The following TATDN3 variants were observed in gnomAD, a reference collection of about 807,000 sequenced individuals.
TATDN3 encodes TatD DNase domain containing 3.
In TATDN3, 29 loss-of-function variants were observed where a neutral mutation model predicts 40.1. That is an observed-to-expected ratio of 0.72 (90% CI 0.54 to 0.99). TATDN3 has a LOEUF of 0.99. Among genes scored for constraint, TATDN3 ranks in the 50% least tolerant of loss-of-function variants. The probability of loss-of-function intolerance (pLI) is 0.00; values close to 1 mark genes in which losing one functional copy is unlikely to be tolerated. For missense variants in TATDN3, 309 were observed against 321.9 expected (o/e 0.96, Z 0.31); for synonymous variants, 105 against 117.0 (o/e 0.90, Z 0.66).
intron 8 of TATDN3, among the ~76,000 whole-genome samples, chr1:212,811,676 T>A (rs1317253010): frequency 6.6e-6 from 1 of 151,860 alleles, no homozygotes; most frequent in Admixed American, 6.6e-5. Flanking sequence ...CTGGCTAATT[T>A]TTGTATTTGT....
rs1032963 is a variant in TATDN3, at chr1:212,806,642, G to T, written c.488-1094G>T. On this transcript the variant is annotated intron_variant, in intron 7 of 9. Coordinates refer to ENST00000366974, the MANE Select transcript of TATDN3 (RefSeq NM_001042552.3). Reference sequence around the variant, plus strand: ...GAGATCCTCCCATCTCAGCATCCCAGAGTGCTGGGATTACAGACATGAGCC... The same window carrying T: ...GAGATCCTCCCATCTCAGCATCCCATAGTGCTGGGATTACAGACATGAGCC... Among the ~76,000 whole-genome samples, 3 of 148,116 alleles carry T rather than the reference G, an allele frequency of 2.0e-5. No homozygotes were observed. The East Asian group carries it at 6.0e-4, about 30-fold the overall frequency.
Position 212,816,499 on chromosome 1 carries a change from G to T in TATDN3, c.*1343G>T, listed in dbSNP as rs1208366607. On this transcript the variant is annotated 3_prime_UTR_variant, in exon 10 of 10. Coordinates refer to ENST00000366974, the MANE Select transcript of TATDN3 (RefSeq NM_001042552.3). The stretch of plus-strand genomic sequence containing the variant: ...TATTTACTACAATTTTTTAAAAATC[G>T]TATATGTAGTTTAACAGGTGTGGTC... 6.6e-6 allele frequency: 1 copy of T among 152,078 alleles called. No individual in the cohort carries two copies. The highest frequency in any genetic ancestry group is 1.5e-5 in the Non-Finnish European group (1 of 68,016). The allele number at this position is 152,078 out of a possible 1,614,324, so 9.4% of individuals were successfully genotyped here.
intron 1 of TATDN3, among the ~76,000 whole-genome samples, chr1:212,793,552 G>A (rs1661501859): frequency 6.6e-6 from 1 of 152,160 alleles, no homozygotes. Flanking sequence ...ATGGCAAATG[G>A]GTGGAGGAGA....
At chr1:212,813,566 CTT>C (rs202183479) in intron 9 of TATDN3, among the ~76,000 whole-genome samples, 60 of 130,896 alleles carry the variant, frequency 4.6e-4, no homozygotes, top group East Asian at 8.8e-4. Flanking sequence ...TCTTTCTTTT[CTT>C]TTTTTTTTTT....
rs190689293 is a variant in TATDN3 at position 212,808,110 on chromosome 1, C to T, written c.600+262C>T. Among the ~76,000 whole-genome samples the T allele has an allele frequency of 1.1e-3, 162 of 152,080 alleles. 1 individual carries two copies. The highest frequency in any genetic ancestry group is 2.5e-3 in the South Asian group (12 of 4,820). ...GGTAGATCACCTGAGGCCAGGAGTT[C>T]GAAACCAGCCTGGCCAACATGGTGA... On this transcript the variant is annotated intron_variant, in intron 8 of 9. Coordinates refer to ENST00000366974, the MANE Select transcript of TATDN3 (RefSeq NM_001042552.3).
intron 4 of TATDN3, among the ~76,000 whole-genome samples, chr1:212,799,766 T>G (rs1410176642): frequency 1.3e-5 from 2 of 152,192 alleles, no homozygotes; most frequent in East Asian, 3.8e-4. Flanking sequence ...CTCAAACTCC[T>G]GGCCTCAAGT....
chr1:212,804,359 G>T lies in TATDN3; in HGVS notation c.361G>T (p.Glu121Ter), dbSNP rs1662334889. ...CTCCCCCAGATTTGCTGGCACTGGT[G>T]AACAGAAGGAAGAGCAAAGACAAGT... ...DFSPRFAGTGEQKEEQRQVLI... is the reference protein window; with the variant it reads ...DFSPRFAGTG The change falls in exon 6 of 10, where the codon GAA becomes TAA. Residue 121 changes from glutamate (E) to a stop codon, truncating the protein, a stop_gained. Coordinates refer to ENST00000366974, the MANE Select transcript of TATDN3 (RefSeq NM_001042552.3). LOFTEE classifies it high-confidence loss of function. The T allele has an allele frequency of 6.2e-7, 1 of 1,613,884 alleles. No individual in the cohort carries two copies. The highest frequency in any genetic ancestry group is 1.3e-5 in the African/African-American group (1 of 74,900).
In TATDN3 at chr1:212,791,907, AGCC is replaced by A; in HGVS notation, c.-10_-8del. 3 of 1,613,026 alleles carry A rather than the reference AGCC, an allele frequency of 1.9e-6. No homozygotes were observed. Among genetic ancestry groups the A allele is most frequent in the Non-Finnish European group, 2.5e-6 (3 of 1,179,610 alleles). ...GCTCTGCTGGCCGGTCTAAAGCGGC[AGCC>A]GCCGGGGCGCAATGCGAGCGGCTGG... On this transcript the variant is annotated 5_prime_UTR_variant, in exon 1 of 10. Transcript: ENST00000366974.
chr1:212,807,182 G>A (rs1276931357), intron 7 of TATDN3, among the ~76,000 whole-genome samples: 5 of 151,358 alleles, frequency 3.3e-5, no homozygotes, highest in Admixed American at 6.6e-5. Context: ...CTGACCTCAG[G>A]TGATCGCCCA....
At chr1:212,801,319 T>G (rs1662166760) in intron 4 of TATDN3, among the ~76,000 whole-genome samples, 1 of 152,074 alleles carries the variant, frequency 6.6e-6, no homozygotes, top group African/African-American at 2.4e-5. Context: ...ATAAATATGT[T>G]TACATCTACT....
At chr1:212,804,690 G>A (rs1444899876) in intron 7 of TATDN3, 39 bp downstream of exon 7, 2 of 1,554,836 alleles carry the variant, frequency 1.3e-6, no homozygotes, top group Non-Finnish European at 1.8e-6. Flanking sequence ...TAATGTTCAA[G>A]TTTGACAATT....
chr1:212,807,206 A>G (rs560178106), intron 7 of TATDN3, among the ~76,000 whole-genome samples: 1 of 151,674 alleles, frequency 6.6e-6, no homozygotes, highest in South Asian at 2.1e-4. Flanking sequence ...CGGCCTCCCA[A>G]AGTGCTGGGA....
intron 6 of TATDN3, 49 bp downstream of exon 6, chr1:212,804,478 A>G (rs902822726): frequency 1.3e-5 from 21 of 1,568,702 alleles, no homozygotes; most frequent in Non-Finnish European, 1.8e-5. Context: ...AAATTAAATA[A>G]TGATCAGAGT....
At position 212,802,471 on chromosome 1, in the gene TATDN3, A is replaced by G. The variant is rs146727038; in HGVS notation, c.259-230A>G. The stretch of plus-strand genomic sequence containing the variant: ...GCCATGTTTAAGTGGCGCTCTTCAT[A>G]AAAAGTCATATTCTTGTAACCCGAA... On this transcript the variant is annotated intron_variant, in intron 4 of 9. Transcript: ENST00000366974. Among the ~76,000 whole-genome samples, 3 of 152,352 alleles carry G rather than the reference A, an allele frequency of 2.0e-5. No homozygotes were observed. The East Asian group carries it at 5.8e-4, about 29-fold the overall frequency.
chr1:212,815,127 C>G lies in TATDN3; in HGVS notation c.796C>G (p.Pro266Ala). The G allele has an allele frequency of 6.2e-7, 1 of 1,613,130 alleles. No homozygotes were observed. Among genetic ancestry groups the G allele is most frequent in the Non-Finnish European group, 8.5e-7 (1 of 1,179,784 alleles). Residue 266 changes from proline (P) to alanine (A), a missense_variant, in exon 10 of 10, where the codon CCT becomes GCT. Coordinates refer to ENST00000366974, the MANE Select transcript of TATDN3 (RefSeq NM_001042552.3). ...VTTQNALKLF[P>A]KLRHLLQK ...GACACAGAATGCATTAAAACTGTTT[C>G]CTAAGCTCCGACACTTGCTCCAGAA...
Position 212,815,462 on chromosome 1 carries a change from G to A in TATDN3, c.*306G>A, listed in dbSNP as rs75753532. 6,033 of 241,242 alleles carry A rather than the reference G, an allele frequency of 0.025. 124 individuals are homozygous for A. Among genetic ancestry groups the A allele is most frequent in the South Asian group, 0.04 (583 of 14,532 alleles). 14.9% of individuals were successfully genotyped at this position (241,242 alleles called of 1,614,324 possible). A position where few individuals can be genotyped will look rare whatever the true frequency, so the allele number is the denominator to read the frequency against. On this transcript the variant is annotated 3_prime_UTR_variant, in exon 10 of 10. Coordinates refer to ENST00000366974, the MANE Select transcript of TATDN3 (RefSeq NM_001042552.3). ...CCTGAACTGAAACCATTGCTACTGG[G>A]AAGGGTGGCTCCCACAGGAAGAGTA...
intron 9 of TATDN3, among the ~76,000 whole-genome samples, chr1:212,812,559 A>C (rs750689753): frequency 6.6e-6 from 1 of 152,254 alleles, no homozygotes; most frequent in South Asian, 2.1e-4. Flanking sequence ...TAAGAGTCAG[A>C]CCAGTGTAGT....
rs1662494508 is a variant in TATDN3 at position 212,806,728 on chromosome 1, C to CTG, written c.488-1007_488-1006insGT. Among the ~76,000 whole-genome samples, 4 of 102,158 alleles carry CTG rather than the reference C, an allele frequency of 3.9e-5. No homozygotes were observed. The Admixed American group carries it at 4.9e-4, about 13-fold the overall frequency. The allele number at this position is 102,158 out of a possible 152,430, so 67.0% of individuals were successfully genotyped here. On this transcript the variant is annotated intron_variant, in intron 7 of 9. Coordinates refer to ENST00000366974, the MANE Select transcript of TATDN3 (RefSeq NM_001042552.3). ...TTATTCTGAAGATTAAGAATTTATTCTCTCTCTCTCTCTCTCTCCATATAT... is the reference window on the plus strand; with the variant it reads ...TTATTCTGAAGATTAAGAATTTATTCTGTCTCTCTCTCTCTCTCTCCATATAT...
intron 8 of TATDN3, among the ~76,000 whole-genome samples, chr1:212,809,325 C>T (rs1466271974): frequency 6.6e-6 from 1 of 151,954 alleles, no homozygotes; most frequent in Non-Finnish European, 1.5e-5. Flanking sequence ...GTGAATATAG[C>T]AAAAAACACT....
Sources: allele counts gnomAD v4.1 joint callset (sites outside exome capture counted in the v4.1 genomes callset), GRCh38; gene constraint gnomAD v4.1.1; transcripts MANE v1.5; gene names NCBI Gene and HGNC (gene_info 2026-07-23, HGNC 2026-07-21).